Variants in FHIT observed in about 807,000 individuals in gnomAD.
FHIT encodes the protein bis(5'-adenosyl)-triphosphatase.
FHIT carries 19 observed loss-of-function variants against 17.9 expected under a neutral mutation model. That is an observed-to-expected ratio of 1.06 (90% CI 0.74 to 1.56). The LOEUF (loss-of-function observed/expected upper bound fraction) is 1.56. Ranked by LOEUF, FHIT falls within the 40% of genes most tolerant of loss-of-function variation. The pLI, the probability that FHIT is intolerant of heterozygous loss-of-function variation, is 0.00. For synonymous variants in FHIT, 81 were observed against 69.7 expected, an observed-to-expected ratio of 1.16 and a Z score of -0.81; for missense variants, 248 against 189.2, an observed-to-expected ratio of 1.31 and a Z score of -1.82.
At chr3:60,929,997 G>A (rs1188501543) in intron 3 of FHIT, among the ~76,000 whole-genome samples, 2 of 152,282 alleles carry the variant, frequency 1.3e-5, no homozygotes, top group Admixed American at 6.5e-5. Context: ...AAACAGCATG[G>A]TACTGGTACC....
At chr3:61,242,892 G>A (rs1279739862) in intron 1 of FHIT, among the ~76,000 whole-genome samples, 1 of 152,158 alleles carries the variant, frequency 6.6e-6, no homozygotes, top group Non-Finnish European at 1.5e-5. Context: ...AATATCTCCA[G>A]CACCAACCTT....
chr3:60,081,755 G>C (rs1296943173), intron 5 of FHIT, among the ~76,000 whole-genome samples: 1 of 152,024 alleles, frequency 6.6e-6, no homozygotes, highest in African/African-American at 2.4e-5. Context: ...TGTGTGTTTT[G>C]AGAGATATAT....
intron 8 of FHIT, among the ~76,000 whole-genome samples, chr3:59,796,250 A>G (rs1488793447): frequency 6.6e-6 from 1 of 152,106 alleles, no homozygotes; most frequent in African/African-American, 2.4e-5. Context: ...TACAATGAGA[A>G]TGAAATGCAA....
At chr3:60,074,937 G>A (rs946840602) in intron 5 of FHIT, among the ~76,000 whole-genome samples, 1 of 151,956 alleles carries the variant, frequency 6.6e-6, no homozygotes. Context: ...CCTTTCACTG[G>A]ATCCAAGACA....
intron 8 of FHIT, among the ~76,000 whole-genome samples, chr3:59,773,399 C>G (rs1702160881): frequency 6.6e-6 from 1 of 152,166 alleles, no homozygotes; most frequent in Admixed American, 6.5e-5. Context: ...GTCCAAAAAG[C>G]TGCGTATCTT....
chr3:60,950,970 C>T (rs560239239), intron 3 of FHIT, among the ~76,000 whole-genome samples: 22 of 152,092 alleles, frequency 1.4e-4, no homozygotes, highest in Admixed American at 7.2e-4. Flanking sequence ...AAAAATAACA[C>T]GCTAAGAACA....
chr3:59,895,346 A>G (rs1458231836), intron 8 of FHIT, among the ~76,000 whole-genome samples: 1 of 152,204 alleles, frequency 6.6e-6, no homozygotes, highest in Non-Finnish European at 1.5e-5. Context: ...AGCAGGGGCT[A>G]TATTAATTTT....
At chr3:60,093,867 G>C (rs1324462266) in intron 5 of FHIT, among the ~76,000 whole-genome samples, 1 of 152,236 alleles carries the variant, frequency 6.6e-6, no homozygotes, top group East Asian at 1.9e-4. Flanking sequence ...CTAAAGGTTG[G>C]GGACTGCTGT....
intron 5 of FHIT, among the ~76,000 whole-genome samples, chr3:60,150,697 C>T (rs568261853): frequency 1.2e-4 from 18 of 152,264 alleles, no homozygotes; most frequent in African/African-American, 2.9e-4. Context: ...GCGGGCAGAC[C>T]GCCTGAGCTC....
chr3:60,297,717 G>A (rs1159372654), intron 5 of FHIT, among the ~76,000 whole-genome samples: 5 of 152,022 alleles, frequency 3.3e-5, no homozygotes, highest in Admixed American at 6.6e-5. Context: ...ATACTAAAGT[G>A]TTTTCCTACT....
chr3:59,942,249 C>T (rs1190511418), intron 7 of FHIT, among the ~76,000 whole-genome samples: 2 of 152,172 alleles, frequency 1.3e-5, no homozygotes, highest in Non-Finnish European at 2.9e-5. Flanking sequence ...TCTCAGCCTG[C>T]CCTTCCTATA....
At position 60,750,096 on chromosome 3, in the gene FHIT, G is replaced by A. The variant is rs575935824; in HGVS notation, c.-18+71823C>T. 3.9e-5 allele frequency among the ~76,000 whole-genome samples: 6 copies of A among 152,206 alleles called. No homozygotes were observed. In the East Asian group the frequency reaches 1.2e-3, roughly 29 times the overall value. ...GATCAAAGGCATGTTGCCTCACTCA[G>A]GGACCATCTGACTCATGCCTTCATG... On this transcript the variant is annotated intron_variant, in intron 4 of 9. Transcript: ENST00000492590.
chr3:60,521,448 C>CTG (rs1363285590), intron 5 of FHIT, among the ~76,000 whole-genome samples: 1 of 152,018 alleles, frequency 6.6e-6, no homozygotes, highest in Non-Finnish European at 1.5e-5. Context: ...GGGGTTTCAC[C>CTG]GTGTTAGCCA....
At chr3:60,559,400 C>G (rs1034108440) in intron 4 of FHIT, among the ~76,000 whole-genome samples, 1 of 152,202 alleles carries the variant, frequency 6.6e-6, no homozygotes, top group Non-Finnish European at 1.5e-5. Flanking sequence ...TGCTGTGGCA[C>G]GCACTCTCAG....
chr3:60,610,798 A>C (rs1288419759), intron 4 of FHIT, among the ~76,000 whole-genome samples: 1 of 152,190 alleles, frequency 6.6e-6, no homozygotes, highest in Non-Finnish European at 1.5e-5. Context: ...TCAGTTATGC[A>C]AGAACACAAT....
chr3:60,672,874 C>CATGTGTGTGTGTGTGT (rs71092628), intron 4 of FHIT, among the ~76,000 whole-genome samples: 16,253 of 139,360 alleles, frequency 0.12, 1,350 homozygotes, highest in Non-Finnish European at 0.16. Context: ...CTCTTTGTAG[C>CATGTGTGTGTGTGTGT]GTGTGTGTGT....
chr3:59,889,477 C>T (rs1342501437), intron 8 of FHIT, among the ~76,000 whole-genome samples: 1 of 152,180 alleles, frequency 6.6e-6, no homozygotes, highest in African/African-American at 2.4e-5. Flanking sequence ...CCTCAAATTA[C>T]ATCATGAAGG....
At chr3:61,205,554 G>T (rs1560071907) in intron 1 of FHIT, among the ~76,000 whole-genome samples, 1 of 152,138 alleles carries the variant, frequency 6.6e-6, no homozygotes. Flanking sequence ...GTTTTGATTT[G>T]CATGTCTCTG....
At chr3:59,766,708 AG>A (rs1456134646) in intron 8 of FHIT, among the ~76,000 whole-genome samples, 1 of 152,192 alleles carries the variant, frequency 6.6e-6, no homozygotes, top group Non-Finnish European at 1.5e-5. Flanking sequence ...CACACCAAGA[AG>A]GCTGTTTGGA....
Sources: allele counts gnomAD v4.1 joint callset (sites outside exome capture counted in the v4.1 genomes callset), GRCh38; gene constraint gnomAD v4.1.1; transcripts MANE v1.5; gene names NCBI Gene and HGNC (gene_info 2026-07-23, HGNC 2026-07-21).